AUTS2: variants seen among roughly 807,000 people sequenced by gnomAD.
The protein encoded by AUTS2 is autism susceptibility gene 2 protein.
A neutral mutation model predicts 112.4 loss-of-function variants in AUTS2; 17 were observed. That is an observed-to-expected ratio of 0.15 (90% CI 0.10 to 0.23). The LOEUF (loss-of-function observed/expected upper bound fraction) is 0.23. Among genes scored for constraint, AUTS2 ranks in the 10% least tolerant of loss-of-function variants. The pLI is 1.00. For synonymous variants in AUTS2, 751 were observed against 702.7 expected, an observed-to-expected ratio of 1.07 and a Z score of -1.09; for missense variants, 1,510 against 1,701.6, an observed-to-expected ratio of 0.89 and a Z score of 1.98.
At chr7:70,418,947 A>G (rs1486003650) in intron 4 of AUTS2, among the ~76,000 whole-genome samples, 1 of 151,984 alleles carries the variant, frequency 6.6e-6, no homozygotes, top group Admixed American at 6.6e-5. Flanking sequence ...TGTAGTAGTA[A>G]TAATAAAAGT....
intron 6 of AUTS2, among the ~76,000 whole-genome samples, chr7:70,733,176 C>A (rs1787538699): frequency 6.6e-6 from 1 of 152,128 alleles, no homozygotes; most frequent in Non-Finnish European, 1.5e-5. Context: ...GCACTTAATT[C>A]TTCAAGGAAG....
intron 4 of AUTS2, among the ~76,000 whole-genome samples, chr7:70,431,330 T>C (rs1173760121): frequency 6.6e-6 from 1 of 152,204 alleles, no homozygotes; most frequent in East Asian, 1.9e-4. Flanking sequence ...GTATTAACAG[T>C]GTTTACCTAA....
chr7:69,711,880 A>C (rs1282132801), intron 1 of AUTS2, among the ~76,000 whole-genome samples: 1 of 152,248 alleles, frequency 6.6e-6, no homozygotes, highest in African/African-American at 2.4e-5. Flanking sequence ...AAAATACAAC[A>C]TAATTACCAT....
At position 69,721,180 on chromosome 7, in the gene AUTS2, A is replaced by G. The variant is rs140534387; in HGVS notation, c.309+121218A>G. ...GCTCCATGCAGTTTTGCCTCCCACA[A>G]TCTCTCTCTGATCTTTGCCTCCTGA... On this transcript the variant is annotated intron_variant, in intron 1 of 18. Coordinates refer to ENST00000342771, the MANE Select transcript of AUTS2 (RefSeq NM_015570.4). 2.5e-3 allele frequency among the ~76,000 whole-genome samples: 385 copies of G among 152,188 alleles called. 1 individual carries two copies. Among genetic ancestry groups the G allele is most frequent in the African/African-American group, 7.4e-3 (309 of 41,520 alleles).
intron 5 of AUTS2, among the ~76,000 whole-genome samples, chr7:70,670,670 AG>A (rs11307077): frequency 0.5 from 76,386 of 151,954 alleles, 19,656 homozygotes; most frequent in Middle Eastern, 0.71. Context: ...TCCATAAATA[AG>A]GGGACCTTCC....
intron 5 of AUTS2, among the ~76,000 whole-genome samples, chr7:70,649,799 T>G (rs764263185): frequency 1.3e-5 from 2 of 152,048 alleles, no homozygotes; most frequent in Admixed American, 6.5e-5. Context: ...AGTGCTGGGA[T>G]TATAGGCGTG....
At chr7:69,641,001 A>G (rs1325642514) in intron 1 of AUTS2, among the ~76,000 whole-genome samples, 1 of 152,190 alleles carries the variant, frequency 6.6e-6, no homozygotes, top group Non-Finnish European at 1.5e-5. Flanking sequence ...GGAAGTTGCA[A>G]GTGACCTAAT....
chr7:69,809,094 A>G (rs551089907), intron 1 of AUTS2, among the ~76,000 whole-genome samples: 60 of 150,480 alleles, frequency 4.0e-4, no homozygotes, highest in African/African-American at 1.4e-3. Context: ...TTTTTTTCTG[A>G]GATGGAGTCT....
chr7:69,717,336 G>T (rs2129209685), intron 1 of AUTS2, among the ~76,000 whole-genome samples: 1 of 152,320 alleles, frequency 6.6e-6, no homozygotes, highest in South Asian at 2.1e-4. Flanking sequence ...GCTGGCTCTG[G>T]CTGACAAAGC....
intron 5 of AUTS2, among the ~76,000 whole-genome samples, chr7:70,514,005 A>G (rs1001776883): frequency 6.6e-6 from 1 of 152,290 alleles, no homozygotes; most frequent in African/African-American, 2.4e-5. Context: ...AGCACTGTAT[A>G]GATTTGTTTT....
At chr7:70,384,114 C>G (rs1793502006) in intron 4 of AUTS2, among the ~76,000 whole-genome samples, 1 of 152,200 alleles carries the variant, frequency 6.6e-6, no homozygotes, top group South Asian at 2.1e-4. Flanking sequence ...CCTCACTGTC[C>G]CTCCCCACCG....
chr7:70,718,254 C>T (rs1810484147), intron 6 of AUTS2, among the ~76,000 whole-genome samples: 1 of 152,174 alleles, frequency 6.6e-6, no homozygotes, highest in African/African-American at 2.4e-5. Flanking sequence ...GCCTCCTTCC[C>T]CGGCCGGCCT....
intron 1 of AUTS2, among the ~76,000 whole-genome samples, chr7:69,789,670 G>A (rs932372269): frequency 9.2e-5 from 14 of 151,990 alleles, no homozygotes; most frequent in Non-Finnish European, 1.8e-4. Context: ...GATGAAGTAG[G>A]GGCTTGACGT....
intron 4 of AUTS2, among the ~76,000 whole-genome samples, chr7:70,172,990 A>G (rs1000685922): frequency 6.6e-6 from 1 of 152,160 alleles, no homozygotes; most frequent in African/African-American, 2.4e-5. Flanking sequence ...TTGAGGATTC[A>G]CTGGCCTGGC....
At chr7:69,971,065 C>T (rs1170882115) in intron 2 of AUTS2, among the ~76,000 whole-genome samples, 2 of 152,068 alleles carry the variant, frequency 1.3e-5, no homozygotes, top group African/African-American at 2.4e-5. Context: ...GTGGTCTCAG[C>T]TACTTGGGAG....
chr7:70,617,866 A>T (rs1031868539), intron 5 of AUTS2, among the ~76,000 whole-genome samples: 10 of 152,160 alleles, frequency 6.6e-5, no homozygotes, highest in African/African-American at 2.4e-4. Flanking sequence ...CACCGCCTCT[A>T]CTCAGAAATT....
chr7:70,337,430 A>G (rs950246743), intron 4 of AUTS2, among the ~76,000 whole-genome samples: 12 of 152,212 alleles, frequency 7.9e-5, no homozygotes, highest in African/African-American at 2.4e-4. Context: ...AAAATGTTAC[A>G]AGTGATAGCT....
At chr7:70,417,584 C>A (rs994684999) in intron 4 of AUTS2, among the ~76,000 whole-genome samples, 1 of 152,186 alleles carries the variant, frequency 6.6e-6, no homozygotes, top group African/African-American at 2.4e-5. Context: ...CTTACATGTT[C>A]CTTTTCCAAG....
chr7:70,383,351 C>T (rs1793458161), intron 4 of AUTS2, among the ~76,000 whole-genome samples: 1 of 152,118 alleles, frequency 6.6e-6, no homozygotes, highest in South Asian at 2.1e-4. Context: ...ATCTTGAGAA[C>T]AGGTTAGAGA....
Sources: gnomAD v4.1 joint callset for allele counts (sites outside exome capture counted in the v4.1 genomes callset) on GRCh38, gnomAD v4.1.1 for gene constraint, MANE v1.5 for transcripts, NCBI Gene and HGNC (gene_info 2026-07-23, HGNC 2026-07-21) for gene names.